The following PLEKHH2 variants were observed in gnomAD, a reference collection of about 807,000 sequenced individuals.
PLEKHH2 encodes the protein pleckstrin homology domain-containing family H member 2.
Under a neutral mutation model 187.9 loss-of-function variants are expected in PLEKHH2, and 129 were observed. That is an observed-to-expected ratio of 0.69 (90% CI 0.59 to 0.79). The LOEUF (loss-of-function observed/expected upper bound fraction) is 0.79. PLEKHH2 is among the 30% of genes least tolerant of loss of function. The pLI, the probability that PLEKHH2 is intolerant of heterozygous loss-of-function variation, is 0.00. For synonymous variants in PLEKHH2, 686 were observed against 605.6 expected (o/e 1.13, Z -1.95); for missense variants, 2,076 against 1,751.2 (o/e 1.19, Z -3.31).
intron 23 of PLEKHH2, 167 bp downstream of exon 23, chr2:43,744,156 T>C (rs893281387): frequency 5.2e-6 from 7 of 1,350,914 alleles, no homozygotes; most frequent in African/African-American, 1.5e-5. Context: ...GTTAAACCCA[T>C]AGAATTCTTA....
chr2:43,691,447 G>T (rs1668789189), intron 3 of PLEKHH2, among the ~76,000 whole-genome samples: 1 of 152,196 alleles, frequency 6.6e-6, no homozygotes, highest in Non-Finnish European at 1.5e-5. Flanking sequence ...GGGCATGATA[G>T]TTTAGAAAAC....
intron 13 of PLEKHH2, 74 bp from the exon 14 acceptor site, chr2:43,710,415 G>T: frequency 1.3e-6 from 2 of 1,584,608 alleles, no homozygotes; most frequent in Non-Finnish European, 1.7e-6. Context: ...CATAATGCAA[G>T]TAATGATACA....
At chr2:43,707,599 T>C in intron 11 of PLEKHH2, 54 bp downstream of exon 11, 5 of 1,590,570 alleles carry the variant, frequency 3.1e-6, no homozygotes, top group Admixed American at 1.7e-5. Flanking sequence ...TGAATATTAA[T>C]TGGGAATTTT....
intron 11 of PLEKHH2, among the ~76,000 whole-genome samples, chr2:43,708,186 C>T (rs1033828698): frequency 2.0e-5 from 3 of 152,172 alleles, no homozygotes; most frequent in African/African-American, 7.2e-5. Flanking sequence ...TTTGAGCTTC[C>T]ACTGGTCTTC....
At position 43,744,538 on chromosome 2, in the gene PLEKHH2, GGGAAGGCCTGAGCT is replaced by G. The variant is rs531906973; in HGVS notation, c.3555+554_3555+567del. On this transcript the variant is annotated intron_variant, in intron 23 of 29. Transcript: ENST00000282406. ...AGTTTAAGTTCAGCATTGGGAGTTA[GGGAAGGCCTGAGCT>G]GGAAATGAAAAATGGTTTAGGAAAC... Among the ~76,000 whole-genome samples, 766 of 152,308 alleles carry G rather than the reference GGGAAGGCCTGAGCT, an allele frequency of 5.0e-3. 2 individuals carry two copies. Among genetic ancestry groups the G allele is most frequent in the Non-Finnish European group, 8.3e-3 (566 of 68,022 alleles).
chr2:43,765,551 C>T lies in PLEKHH2; in HGVS notation c.4435C>T (p.Pro1479Ser). 6.2e-7 allele frequency: 1 copy of T among 1,613,690 alleles called. No homozygotes were observed. Among genetic ancestry groups the T allele is most frequent in the Non-Finnish European group, 8.5e-7 (1 of 1,179,992 alleles). The change falls in exon 30 of 30, where the codon CCT becomes TCT. Residue 1479 changes from proline (P) to serine (S), a missense_variant. Physicochemically the swap from Pro to Ser is moderately conservative, Grantham distance 74. Transcript: ENST00000282406. ...GPQARMMGSQ[P>S]LLSSSRPTKG... The stretch of plus-strand genomic sequence containing the variant: ...CCAAGCCAGAATGATGGGAAGCCAG[C>T]CTCTTCTGTCAAGCAGCAGACCGAC...
chr2:43,690,841 A>G (rs1668756651), intron 3 of PLEKHH2, among the ~76,000 whole-genome samples: 1 of 152,236 alleles, frequency 6.6e-6, no homozygotes, highest in South Asian at 2.1e-4. Context: ...CCAATCAACT[A>G]GACCATCTAC....
At chr2:43,653,627 A>G (rs1251065638) in intron 2 of PLEKHH2, among the ~76,000 whole-genome samples, 1 of 152,220 alleles carries the variant, frequency 6.6e-6, no homozygotes, top group African/African-American at 2.4e-5. Flanking sequence ...GGTCTCCCCA[A>G]GAAGTCAGCT....
chr2:43,741,064 C>T, intron 21 of PLEKHH2, 21 bp downstream of exon 21: 1 of 1,582,650 alleles, frequency 6.3e-7, no homozygotes, highest in East Asian at 2.2e-5. Context: ...TACTAGCCAG[C>T]TGAACTGTTT....
chr2:43,710,584 C>CTTTTTTTTT lies in PLEKHH2; in HGVS notation c.2301+25_2301+33dup, dbSNP rs376851824. On this transcript the variant is annotated intron_variant, in intron 14 of 29. Transcript: ENST00000282406. ...ACAAACAAACAGTTCAGGTACTTAA[C>CTTTTTTTTT]TTTTTTTTTTTTTTTTTTTTTTTTG... The CTTTTTTTTT allele has an allele frequency of 1.3e-4, 165 of 1,242,520 alleles. 1 individual carries two copies. The highest frequency in any genetic ancestry group is 6.4e-4 in the Admixed American group (16 of 25,156). The allele number at this position is 1,242,520 out of a possible 1,614,324, so 77.0% of individuals were successfully genotyped here.
intron 2 of PLEKHH2, among the ~76,000 whole-genome samples, chr2:43,657,379 T>G (rs976598448): frequency 6.6e-6 from 1 of 152,012 alleles, no homozygotes; most frequent in African/African-American, 2.4e-5. Flanking sequence ...CTGGGAGTGG[T>G]GAAACAACTG....
chr2:43,725,538 G>A (rs896570782), intron 16 of PLEKHH2, among the ~76,000 whole-genome samples: 1 of 152,174 alleles, frequency 6.6e-6, no homozygotes, highest in Admixed American at 6.5e-5. Flanking sequence ...GTTAGAAAAG[G>A]AGCTATCTTT....
rs116058387 is a variant in PLEKHH2, at chr2:43,669,729, G to A, written c.124-9134G>A. On this transcript the variant is annotated intron_variant, in intron 2 of 29. Transcript: ENST00000282406. ...AAGAAACTTTTTTTTTTTTTGAGAC[G>A]GAGTCTCACTCTGTTGGCCCAGGCT... Among the ~76,000 whole-genome samples, 1,259 of 150,818 alleles carry A rather than the reference G, an allele frequency of 8.3e-3. 16 individuals carry two copies. Among genetic ancestry groups the A allele is most frequent in the African/African-American group, 0.029 (1,182 of 41,112 alleles).
At chr2:43,683,427 C>A (rs950954668) in intron 3 of PLEKHH2, among the ~76,000 whole-genome samples, 1 of 152,058 alleles carries the variant, frequency 6.6e-6, no homozygotes, top group African/African-American at 2.4e-5. Context: ...GTGTGAGCCA[C>A]CTCGCCCGGC....
Position 43,757,148 on chromosome 2 carries a change from C to T in PLEKHH2, c.3825C>T (p.Phe1275=). ...QVEIGDFERP[F]STPAGHVTNQ... ...AGATTGGAGATTTTGAAAGACCTTT[C>T]TCAACTCCAGCAGGGCATGTTACCA... The change falls in exon 26 of 30, where the codon TTC becomes TTT. Residue 1275 remains phenylalanine, a synonymous_variant. Transcript: ENST00000282406. 6.3e-7 allele frequency: 1 copy of T among 1,587,478 alleles called. No homozygotes were observed. The highest frequency in any genetic ancestry group is 8.5e-7 in the Non-Finnish European group (1 of 1,170,174).
At chr2:43,675,184 A>T (rs1667681942) in intron 2 of PLEKHH2, 2 of 435,046 alleles carry the variant, frequency 4.6e-6, no homozygotes, top group African/African-American at 2.0e-5. Context: ...TTAATGCAAA[A>T]TATCCAAAAC....
At chr2:43,676,029 T>A in intron 2 of PLEKHH2, 2 of 1,614,042 alleles carry the variant, frequency 1.2e-6, no homozygotes, top group Non-Finnish European at 1.7e-6. Flanking sequence ...CGTAGAGCTC[T>A]GCTTTGTCAC....
At chr2:43,749,648 CA>C (rs1671927877) in intron 24 of PLEKHH2, among the ~76,000 whole-genome samples, 1 of 152,182 alleles carries the variant, frequency 6.6e-6, no homozygotes, top group Non-Finnish European at 1.5e-5. Context: ...TGATTTTTAA[CA>C]GAACTCTGAA....
chr2:43,640,314 C>T (rs76466485), intron 1 of PLEKHH2, among the ~76,000 whole-genome samples: 5,305 of 151,800 alleles, frequency 0.035, 115 homozygotes, highest in South Asian at 0.064. Context: ...ACAGGGCTCC[C>T]GAGTAGCTGG....
Sources: gnomAD v4.1 joint callset for allele counts (sites outside exome capture counted in the v4.1 genomes callset) on GRCh38, gnomAD v4.1.1 for gene constraint, MANE v1.5 for transcripts, NCBI Gene and HGNC (gene_info 2026-07-23, HGNC 2026-07-21) for gene names.